SAMD4A: variants seen among roughly 807,000 people sequenced by gnomAD.
SAMD4A encodes sterile alpha motif domain containing 4A.
In SAMD4A, 33 loss-of-function variants were observed where a neutral mutation model predicts 81.3. That is an observed-to-expected ratio of 0.41 (90% CI 0.31 to 0.54). The LOEUF is 0.54. SAMD4A is among the 20% of genes least tolerant of loss of function. The pLI is 0.37. For synonymous variants in SAMD4A, 389 were observed against 382.1 expected (o/e 1.02, Z -0.21); for missense variants, 854 against 951.1 (o/e 0.90, Z 1.34).
At chr14:54,648,604 T>C (rs2035335386) in intron 2 of SAMD4A, among the ~76,000 whole-genome samples, 1 of 152,108 alleles carries the variant, frequency 6.6e-6, no homozygotes, top group African/African-American at 2.4e-5. Flanking sequence ...AGTTGTGTGT[T>C]TGAAAAATAG....
intron 4 of SAMD4A, 150 bp downstream of exon 4, chr14:54,737,437 GT>G: frequency 1.1e-6 from 1 of 921,826 alleles, no homozygotes; most frequent in Non-Finnish European, 1.6e-6. Flanking sequence ...AGAACTCCAG[GT>G]TGACCATGGC....
chr14:54,578,481 C>T (rs1179510984), intron 2 of SAMD4A, among the ~76,000 whole-genome samples: 1 of 151,758 alleles, frequency 6.6e-6, no homozygotes, highest in Non-Finnish European at 1.5e-5. Context: ...TAGGCTGAAG[C>T]GGGCGGATCA....
intron 3 of SAMD4A, among the ~76,000 whole-genome samples, chr14:54,727,741 C>T (rs2037461728): frequency 6.6e-6 from 1 of 152,098 alleles, no homozygotes; most frequent in African/African-American, 2.4e-5. Flanking sequence ...TGAATTTTAG[C>T]AATATGTGAG....
At chr14:54,704,999 C>A (rs745453640) in intron 3 of SAMD4A, among the ~76,000 whole-genome samples, 47 of 152,198 alleles carry the variant, frequency 3.1e-4, no homozygotes, top group Non-Finnish European at 5.4e-4. Context: ...AGGTCCAAAT[C>A]CCAGACAGGC....
At chr14:54,775,327 T>C (rs2038815086) in intron 10 of SAMD4A, among the ~76,000 whole-genome samples, 192 bp downstream of exon 10, 1 of 152,174 alleles carries the variant, frequency 6.6e-6, no homozygotes, top group Non-Finnish European at 1.5e-5. Flanking sequence ...CATAGCTGTG[T>C]TTAGGATGCC....
intron 3 of SAMD4A, among the ~76,000 whole-genome samples, chr14:54,728,254 C>T (rs539323388): frequency 7.0e-4 from 107 of 152,174 alleles, no homozygotes; most frequent in Non-Finnish European, 1.4e-3. Flanking sequence ...AAATTCAAAT[C>T]GTTATGTATA....
chr14:54,600,855 G>T (rs1183197885), intron 2 of SAMD4A, among the ~76,000 whole-genome samples: 1 of 152,192 alleles, frequency 6.6e-6, no homozygotes, highest in African/African-American at 2.4e-5. Context: ...AATTACTCCA[G>T]GTTCTCCAAG....
intron 4 of SAMD4A, among the ~76,000 whole-genome samples, chr14:54,738,619 G>A (rs1369131068): frequency 2.6e-5 from 4 of 152,114 alleles, no homozygotes; most frequent in Admixed American, 6.5e-5. Context: ...AGTTTTCAGG[G>A]GACTGTATCA....
chr14:54,629,733 T>C (rs970639661), intron 2 of SAMD4A, among the ~76,000 whole-genome samples: 1 of 152,214 alleles, frequency 6.6e-6, no homozygotes, highest in African/African-American at 2.4e-5. Context: ...TTCAGTGGTA[T>C]GAAGTGCATT....
intron 2 of SAMD4A, among the ~76,000 whole-genome samples, 154 bp downstream of exon 2, chr14:54,568,266 G>T (rs1043068422): frequency 3.3e-5 from 5 of 149,336 alleles, no homozygotes; most frequent in Non-Finnish European, 5.9e-5. Context: ...CACCCCCTCC[G>T]GGTGTCCCCC....
At chr14:54,730,390 A>G (rs976334913) in intron 3 of SAMD4A, among the ~76,000 whole-genome samples, 5 of 152,220 alleles carry the variant, frequency 3.3e-5, no homozygotes, top group Non-Finnish European at 7.3e-5. Context: ...ATAGGCAAGT[A>G]TACACTTTCT....
At chr14:54,765,629 GA>G (rs1051287272) in intron 8 of SAMD4A, among the ~76,000 whole-genome samples, 206 of 146,852 alleles carry the variant, frequency 1.4e-3, no homozygotes, top group Non-Finnish European at 1.7e-3. Flanking sequence ...TTGTCTCGGG[GA>G]AAAAAAAAAA....
intron 11 of SAMD4A, among the ~76,000 whole-genome samples, chr14:54,777,791 A>G (rs2038897184): frequency 1.3e-5 from 2 of 152,174 alleles, no homozygotes; most frequent in African/African-American, 4.8e-5. Context: ...GCCTGCTCAC[A>G]TTGCTTCTTG....
chr14:54,704,981 C>T (rs1046356979), intron 3 of SAMD4A, among the ~76,000 whole-genome samples: 3 of 152,168 alleles, frequency 2.0e-5, no homozygotes, highest in Admixed American at 6.5e-5. Flanking sequence ...TTGGCATCAA[C>T]GCCTCCTAGG....
In SAMD4A at chr14:54,577,575, A is replaced by G. The variant is rs112497909; in HGVS notation, c.196+9463A>G. Among the ~76,000 whole-genome samples, 315 of 152,294 alleles carry G rather than the reference A, an allele frequency of 2.1e-3. 4 individuals carry two copies. The South Asian group carries it at 0.023, about 11-fold the overall frequency. Reference sequence around the variant, plus strand: ...GCTTCAATAGCATGCATAAAAAGGGACTCTGGCTTTTAGCACACTTACAAC... The same window carrying G: ...GCTTCAATAGCATGCATAAAAAGGGGCTCTGGCTTTTAGCACACTTACAAC... On this transcript the variant is annotated intron_variant, in intron 2 of 12. Transcript: ENST00000554335.
At chr14:54,709,820 G>A (rs2036946120) in intron 3 of SAMD4A, among the ~76,000 whole-genome samples, 1 of 152,112 alleles carries the variant, frequency 6.6e-6, no homozygotes, top group African/African-American at 2.4e-5. Flanking sequence ...TTTGCTTCCT[G>A]TCTAAGGTCT....
chr14:54,765,719 G>C (rs2038520667), intron 8 of SAMD4A, among the ~76,000 whole-genome samples: 1 of 152,196 alleles, frequency 6.6e-6, no homozygotes, highest in Non-Finnish European at 1.5e-5. Context: ...CCGGTGAAGG[G>C]AGACGCCCAG....
chr14:54,700,339 G>A (rs377334200), intron 2 of SAMD4A, among the ~76,000 whole-genome samples: 1 of 152,268 alleles, frequency 6.6e-6, no homozygotes, highest in East Asian at 1.9e-4. Flanking sequence ...GGCATGTCTG[G>A]GATTTGTGTC....
At chr14:54,662,198 G>A (rs2035656653) in intron 2 of SAMD4A, among the ~76,000 whole-genome samples, 1 of 152,186 alleles carries the variant, frequency 6.6e-6, no homozygotes, top group African/African-American at 2.4e-5. Flanking sequence ...CATAGTTAAG[G>A]TAGATGACCT....
Sources: allele counts gnomAD v4.1 joint callset (sites outside exome capture counted in the v4.1 genomes callset), GRCh38; gene constraint gnomAD v4.1.1; transcripts MANE v1.5; gene names NCBI Gene and HGNC (gene_info 2026-07-23, HGNC 2026-07-21).